The following BICRAL variants were observed in gnomAD, a reference collection of about 807,000 sequenced individuals.
BICRAL encodes BRD4-interacting chromatin-remodeling complex-associated protein-like.
A neutral mutation model predicts 91.8 loss-of-function variants in BICRAL; 8 were observed. The ratio of observed to expected loss-of-function variants is 0.09; its 90% CI spans 0.05 to 0.16. The LOEUF (loss-of-function observed/expected upper bound fraction) is 0.16, where lower values mean the gene tolerates loss of function less well. BICRAL is among the 10% of genes least tolerant of loss of function. The pLI, the probability that BICRAL is intolerant of heterozygous loss-of-function variation, is 1.00. For missense variants in BICRAL, 1,038 were observed against 1,310.9 expected, an observed-to-expected ratio of 0.79 and a Z score of 3.21; for synonymous variants, 445 against 491.1, an observed-to-expected ratio of 0.91 and a Z score of 1.24.
chr6:42,842,387 T>A (rs1211972252), intron 6 of BICRAL, among the ~76,000 whole-genome samples: 3 of 152,178 alleles, frequency 2.0e-5, no homozygotes, highest in African/African-American at 4.8e-5. Context: ...TCCACATTAA[T>A]CCTCCTAAAA....
intron 6 of BICRAL, among the ~76,000 whole-genome samples, chr6:42,834,745 C>T (rs1427706253): frequency 1.3e-5 from 2 of 152,148 alleles, no homozygotes; most frequent in African/African-American, 2.4e-5. Flanking sequence ...GCTGCTCATC[C>T]TTCTGACATG....
At chr6:42,841,836 T>C (rs1030357953) in intron 6 of BICRAL, among the ~76,000 whole-genome samples, 1 of 152,060 alleles carries the variant, frequency 6.6e-6, no homozygotes, top group African/African-American at 2.4e-5. Context: ...AATATGGGGG[T>C]TCAGAGCTTG....
intron 2 of BICRAL, among the ~76,000 whole-genome samples, chr6:42,820,036 GT>G (rs1282100047): frequency 6.6e-6 from 1 of 152,206 alleles, no homozygotes; most frequent in Admixed American, 6.5e-5. Context: ...TACTCAAGTA[GT>G]TTGTCACTCT....
intron 7 of BICRAL, chr6:42,852,584 C>G: frequency 8.3e-6 from 3 of 361,486 alleles, no homozygotes; most frequent in South Asian, 6.2e-5. Context: ...ATCGCTTGAA[C>G]CCGGGAGGCA....
intron 1 of BICRAL, among the ~76,000 whole-genome samples, chr6:42,756,885 G>T (rs1354566006): frequency 1.3e-4 from 18 of 141,736 alleles, no homozygotes; most frequent in African/African-American, 3.2e-4. Context: ...TCGCGCGCGC[G>T]CTCTCTCTCT....
intron 1 of BICRAL, among the ~76,000 whole-genome samples, chr6:42,796,911 G>A (rs1010934744): frequency 6.6e-6 from 1 of 151,982 alleles, no homozygotes; most frequent in Non-Finnish European, 1.5e-5. Context: ...CAGGTATGGT[G>A]GCGCATGCCT....
upstream of BICRAL, among the ~76,000 whole-genome samples, chr6:42,746,541 T>C (rs1419043455): frequency 6.7e-6 from 1 of 148,690 alleles, no homozygotes; most frequent in Non-Finnish European, 1.5e-5. Flanking sequence ...GGACAGGTAG[T>C]GGTGAGAAAG....
At chr6:42,815,876 C>T (rs1013439687) in intron 2 of BICRAL, among the ~76,000 whole-genome samples, 11 of 146,544 alleles carry the variant, frequency 7.5e-5, no homozygotes, top group African/African-American at 2.3e-4. Flanking sequence ...AATCCTATCT[C>T]GGGAGGCTGA....
At chr6:42,754,957 C>T (rs1762438079) in intron 1 of BICRAL, among the ~76,000 whole-genome samples, 1 of 152,144 alleles carries the variant, frequency 6.6e-6, no homozygotes, top group African/African-American at 2.4e-5. Flanking sequence ...TTTAAAATGC[C>T]GCATCAGCAT....
chr6:42,852,216 TTGTCCC>T lies in BICRAL; in HGVS notation c.1945+25_1945+30del, dbSNP rs537560326. 1.5e-3 allele frequency: 2,179 copies of T among 1,445,436 alleles called. 2 individuals carry two copies. Among genetic ancestry groups the T allele is most frequent in the Admixed American group, 2.7e-3 (159 of 59,742 alleles). The allele number at this position is 1,445,436 out of a possible 1,614,324, so 89.5% of individuals were successfully genotyped here. ...CTGCCAGGTCAGGAGCTTCCTCAGTTTGTCCCTGTCCTCCCAACACCACGGGATGCT... is the reference window on the plus strand; with the variant it reads ...CTGCCAGGTCAGGAGCTTCCTCAGTTTGTCCTCCCAACACCACGGGATGCT... On this transcript the variant is annotated intron_variant, in intron 7 of 12. Coordinates refer to ENST00000314073, the MANE Select transcript of BICRAL (RefSeq NM_001393499.1).
intron 12 of BICRAL, among the ~76,000 whole-genome samples, chr6:42,864,309 C>T (rs948554321): frequency 1.3e-5 from 2 of 152,182 alleles, no homozygotes; most frequent in African/African-American, 4.8e-5. Context: ...CACTGCACTC[C>T]AGTCTGGGCA....
rs1052419387 is a variant in BICRAL, at chr6:42,829,704, A to G, written c.1371A>G (p.Pro457=). Residue 457 remains proline (P), a synonymous_variant, in exon 6 of 13, where the codon CCA becomes CCG. Transcript: ENST00000314073. ...NSSNMLRTNQ[P]YTGPMLNNQN... is the part of the protein sequence containing the mutation. ...CCAACATGCTCAGGACCAACCAACC[A>G]TATACTGGACCGATGCTTAACAACC... 1 of 1,614,148 alleles carries G rather than the reference A, an allele frequency of 6.2e-7. No homozygotes were observed. The highest frequency in any genetic ancestry group is 1.3e-5 in the African/African-American group (1 of 75,044).
intron 1 of BICRAL, among the ~76,000 whole-genome samples, chr6:42,763,090 C>T (rs1015697330): frequency 1.3e-5 from 2 of 152,170 alleles, no homozygotes; most frequent in African/African-American, 2.4e-5. Context: ...TGAATGAGCC[C>T]AAAGGTCAAA....
At chr6:42,794,223 T>C (rs1177553283) in intron 1 of BICRAL, among the ~76,000 whole-genome samples, 1 of 152,192 alleles carries the variant, frequency 6.6e-6, no homozygotes, top group South Asian at 2.1e-4. Context: ...ACCTAGAATT[T>C]ATTTTTTTAC....
intron 1 of BICRAL, among the ~76,000 whole-genome samples, chr6:42,806,420 T>G (rs897299194): frequency 6.6e-6 from 1 of 152,124 alleles, no homozygotes; most frequent in Non-Finnish European, 1.5e-5. Flanking sequence ...CAGCGATAGC[T>G]CACTGCAGCC....
intron 1 of BICRAL, among the ~76,000 whole-genome samples, chr6:42,771,449 T>C (rs1052162005): frequency 1.5e-5 from 2 of 129,832 alleles, no homozygotes; most frequent in South Asian, 4.8e-4. Context: ...GCTGCGCAGA[T>C]AGAAAGGCCT....
intron 1 of BICRAL, among the ~76,000 whole-genome samples, chr6:42,770,272 A>G (rs1469831888): frequency 1.3e-5 from 2 of 152,032 alleles, no homozygotes; most frequent in South Asian, 4.1e-4. Flanking sequence ...TCTGTCACCC[A>G]GGCTGGAGTG....
At chr6:42,755,013 A>G (rs549117757) in intron 1 of BICRAL, among the ~76,000 whole-genome samples, 1 of 152,356 alleles carries the variant, frequency 6.6e-6, no homozygotes, top group Non-Finnish European at 1.5e-5. Flanking sequence ...AGGAAAATGT[A>G]TGGTAGTTGG....
chr6:42,780,415 C>A (rs539147230), upstream of BICRAL, among the ~76,000 whole-genome samples: 1 of 152,224 alleles, frequency 6.6e-6, no homozygotes, highest in South Asian at 2.1e-4. Flanking sequence ...TGAGAACTCA[C>A]CAAATATCTG....
Sources: allele counts gnomAD v4.1 joint callset (sites outside exome capture counted in the v4.1 genomes callset), GRCh38; gene constraint gnomAD v4.1.1; transcripts MANE v1.5; gene names NCBI Gene and HGNC (gene_info 2026-07-23, HGNC 2026-07-21).